ARID4B: variants seen among roughly 807,000 people sequenced by gnomAD.
The protein encoded by ARID4B is AT-rich interaction domain 4B, also known as AT-rich interactive domain-containing protein 4B.
ARID4B carries 26 observed loss-of-function variants against 147.5 expected under a neutral mutation model. The ratio of observed to expected loss-of-function variants is 0.18; its 90% CI spans 0.13 to 0.24. The LOEUF is 0.24. Among genes scored for constraint, ARID4B ranks in the 10% least tolerant of loss-of-function variants. ARID4B has a pLI of 1.00. For synonymous variants in ARID4B, 512 were observed against 507.9 expected (o/e 1.01, Z -0.11); for missense variants, 1,179 against 1,511.5 (o/e 0.78, Z 3.65).
chr1:235,273,809 T>G (rs1043525174), intron 2 of ARID4B, among the ~76,000 whole-genome samples: 1 of 152,232 alleles, frequency 6.6e-6, no homozygotes, highest in Non-Finnish European at 1.5e-5. Context: ...AGCATGCTTT[T>G]AATATTGAGC....
At chr1:235,276,892 C>G (rs984860954) in intron 2 of ARID4B, among the ~76,000 whole-genome samples, 1 of 149,984 alleles carries the variant, frequency 6.7e-6, no homozygotes, top group East Asian at 2.0e-4. Context: ...CCCAGCTACT[C>G]GGGAGGCTGA....
chr1:235,325,204 G>A (rs148369359), intron 2 of ARID4B, among the ~76,000 whole-genome samples: 12 of 151,902 alleles, frequency 7.9e-5, no homozygotes, highest in African/African-American at 2.4e-4. Flanking sequence ...TCCTTTTAAC[G>A]TTAAAAGCAC....
intron 2 of ARID4B, among the ~76,000 whole-genome samples, chr1:235,277,953 G>C (rs1671445565): frequency 2.6e-5 from 4 of 152,070 alleles, no homozygotes. Context: ...AGTAATTAAT[G>C]GTTAAGTCAG....
At chr1:235,169,920 C>G (rs758434586) in intron 23 of ARID4B, among the ~76,000 whole-genome samples, 7 of 152,154 alleles carry the variant, frequency 4.6e-5, no homozygotes, top group Non-Finnish European at 1.0e-4. Flanking sequence ...CCTTGGCTTC[C>G]CTAAGTGCTG....
intron 17 of ARID4B, among the ~76,000 whole-genome samples, chr1:235,198,079 T>G (rs1665625181): frequency 6.6e-6 from 1 of 152,194 alleles, no homozygotes; most frequent in African/African-American, 2.4e-5. Flanking sequence ...AACTTTGTTT[T>G]TAAAAGAAAA....
rs1663093122 is a variant in ARID4B, at chr1:235,168,489, G to T, written c.*36C>A. 6.2e-7 allele frequency: 1 copy of T among 1,607,364 alleles called. No homozygotes were observed. The highest frequency in any genetic ancestry group is 2.2e-5 in the East Asian group (1 of 44,692). ...TATAAAAAAAAAGTGGCCCTCAACA[G>T]CCATTAAGTGCAAAGTGCTTTAGCA... On this transcript the variant is annotated 3_prime_UTR_variant, in exon 24 of 24. Coordinates refer to ENST00000264183, the MANE Select transcript of ARID4B (RefSeq NM_016374.6).
intron 2 of ARID4B, among the ~76,000 whole-genome samples, chr1:235,287,119 C>A (rs545804761): frequency 1.3e-5 from 2 of 151,996 alleles, no homozygotes; most frequent in Non-Finnish European, 1.5e-5. Context: ...ATTAGCCGGG[C>A]GTGGTGGCAG....
chr1:235,176,305 AT>A (rs1246327159), intron 21 of ARID4B, among the ~76,000 whole-genome samples: 2 of 152,028 alleles, frequency 1.3e-5, no homozygotes, highest in African/African-American at 4.8e-5. Flanking sequence ...TGTCATTTAA[AT>A]AGTAAACTCT....
intron 2 of ARID4B, among the ~76,000 whole-genome samples, chr1:235,267,657 C>G (rs1417062966): frequency 1.3e-5 from 2 of 152,076 alleles, no homozygotes; most frequent in East Asian, 3.9e-4. Context: ...CCGGTGAAAC[C>G]CCGTCTCTAC....
At chr1:235,314,719 A>C (rs1674310033) in intron 2 of ARID4B, among the ~76,000 whole-genome samples, 1 of 152,122 alleles carries the variant, frequency 6.6e-6, no homozygotes, top group African/African-American at 2.4e-5. Context: ...TAATTTACAT[A>C]TAAATTATCT....
chr1:235,314,905 G>A (rs1460304732), intron 2 of ARID4B, among the ~76,000 whole-genome samples: 1 of 152,068 alleles, frequency 6.6e-6, no homozygotes, highest in Non-Finnish European at 1.5e-5. Flanking sequence ...TGCTATTGAA[G>A]TGCATTGTTA....
At chr1:235,233,863 G>A (rs186978098) in intron 9 of ARID4B, among the ~76,000 whole-genome samples, 4 of 152,304 alleles carry the variant, frequency 2.6e-5, no homozygotes, top group South Asian at 2.1e-4. Flanking sequence ...GGCAGATCAC[G>A]AGATCAGGAG....
rs768600040 is a variant in ARID4B, at chr1:235,221,886, A to ATTTTTTTTTT, written c.1066-234_1066-225dup. On this transcript the variant is annotated intron_variant, in intron 13 of 23. Transcript: ENST00000264183. ...TGTTGAAATATTAAGTCATTTGACTATTTTTTTTTTTTTTTTTTTTTTTTT... is the reference window on the plus strand; with the variant it reads ...TGTTGAAATATTAAGTCATTTGACTATTTTTTTTTTTTTTTTTTTTTTTTTTTTTTTTTTT... Among the ~76,000 whole-genome samples, 59 of 53,656 alleles carry ATTTTTTTTTT rather than the reference A, an allele frequency of 1.1e-3. 1 individual carries two copies. Among genetic ancestry groups the ATTTTTTTTTT allele is most frequent in the East Asian group, 2.2e-3 (3 of 1,378 alleles). The allele number at this position is 53,656 out of a possible 152,430, so 35.2% of individuals were successfully genotyped here.
chr1:235,268,134 T>TA (rs1304028926), intron 2 of ARID4B, among the ~76,000 whole-genome samples: 1 of 151,918 alleles, frequency 6.6e-6, no homozygotes, highest in African/African-American at 2.4e-5. Context: ...GAGAGCTGAA[T>TA]AGGGACAGAG....
intron 2 of ARID4B, among the ~76,000 whole-genome samples, chr1:235,322,152 C>T (rs1674888020): frequency 6.6e-6 from 1 of 151,886 alleles, no homozygotes. Flanking sequence ...CCTCAGCCTC[C>T]CTAATAGCTG....
intron 6 of ARID4B, among the ~76,000 whole-genome samples, chr1:235,249,654 G>C (rs1268586231): frequency 6.6e-6 from 1 of 151,582 alleles, no homozygotes; most frequent in African/African-American, 2.4e-5. Flanking sequence ...AAAATTAGCT[G>C]GGCGTGGCCG....
intron 2 of ARID4B, among the ~76,000 whole-genome samples, chr1:235,326,354 C>T (rs1229856211): frequency 6.6e-6 from 1 of 152,140 alleles, no homozygotes. Flanking sequence ...TATTTACAGA[C>T]CAACCAGATC....
At chr1:235,208,014 T>G (rs1666437516) in intron 17 of ARID4B, among the ~76,000 whole-genome samples, 1 of 152,226 alleles carries the variant, frequency 6.6e-6, no homozygotes. Context: ...ACTTTTGGGT[T>G]CCCATTAATG....
intron 2 of ARID4B, among the ~76,000 whole-genome samples, chr1:235,268,370 T>TACAC (rs34759406): frequency 0.045 from 6,704 of 150,112 alleles, 546 homozygotes; most frequent in African/African-American, 0.15. Flanking sequence ...TATATATACA[T>TACAC]ACACACACAC....
Sources: gnomAD v4.1 joint callset for allele counts (sites outside exome capture counted in the v4.1 genomes callset) on GRCh38, gnomAD v4.1.1 for gene constraint, MANE v1.5 for transcripts, NCBI Gene and HGNC (gene_info 2026-07-23, HGNC 2026-07-21) for gene names.